Variants in MDGA2 observed in about 807,000 individuals in gnomAD.
MDGA2 encodes MAM domain containing glycosylphosphatidylinositol anchor 2, also known as MAM domain-containing glycosylphosphatidylinositol anchor protein 2.
MDGA2 carries 40 observed loss-of-function variants against 117.8 expected under a neutral mutation model. That is an observed-to-expected ratio of 0.34 (90% CI 0.26 to 0.44). The LOEUF (loss-of-function observed/expected upper bound fraction) is 0.44, where lower values mean the gene tolerates loss of function less well. Ranked by LOEUF, MDGA2 falls within the 20% of genes least tolerant of loss-of-function variation. MDGA2 has a pLI of 1.00. For missense variants in MDGA2, 1,123 were observed against 1,250.6 expected (o/e 0.90, Z 1.54); for synonymous variants, 452 against 439.0 (o/e 1.03, Z -0.37).
intron 1 of MDGA2, among the ~76,000 whole-genome samples, chr14:47,401,934 A>T (rs1230176432): frequency 6.6e-6 from 1 of 152,222 alleles, no homozygotes. Flanking sequence ...ATCAATATTC[A>T]AATGCCTCGT....
intron 1 of MDGA2, among the ~76,000 whole-genome samples, chr14:47,390,282 C>A (rs907280984): frequency 1.3e-5 from 2 of 152,068 alleles, no homozygotes; most frequent in African/African-American, 2.4e-5. Context: ...AGATAATAAG[C>A]CAGCTTTACA....
chr14:46,933,608 G>A (rs1016137002), intron 9 of MDGA2, among the ~76,000 whole-genome samples: 5 of 151,036 alleles, frequency 3.3e-5, no homozygotes, highest in Admixed American at 2.0e-4. Context: ...ATTTCCATAA[G>A]TTAATTTGAT....
At chr14:47,439,773 T>C (rs1284846628) in intron 1 of MDGA2, among the ~76,000 whole-genome samples, 2 of 151,694 alleles carry the variant, frequency 1.3e-5, no homozygotes, top group East Asian at 3.9e-4. Flanking sequence ...TGGTTGTATG[T>C]ACTCGAGTAC....
rs1235199512 is a variant in MDGA2, at chr14:47,674,578, C to G, written c.219G>C (p.Leu73=). 6.4e-7 allele frequency: 1 copy of G among 1,551,524 alleles called. No homozygotes were observed. The highest frequency in any genetic ancestry group is 2.0e-5 in the Admixed American group (1 of 50,960). Residue 73 remains leucine (L), a synonymous_variant, in exon 1 of 17, where the codon CTG becomes CTC. Transcript: ENST00000399232. ...YVHVHVKMDL[L]YGLVWLLTVL... ...CTGTCAGCAGCCACACGAGACCGTA[C>G]AGTAAATCCATCTTCACGTGAACAT...
At position 46,957,501 on chromosome 14, in the gene MDGA2, C is replaced by T. The variant is rs371931166; in HGVS notation, c.1962G>A (p.Thr654=). 2.5e-5 allele frequency: 41 copies of T among 1,614,048 alleles called. No individual in the cohort carries two copies. Among genetic ancestry groups the T allele is most frequent in the South Asian group, 1.6e-4 (15 of 91,082 alleles). The change falls in exon 9 of 17, where the codon ACG becomes ACA. Residue 654 remains threonine (T), a synonymous_variant. Coordinates refer to ENST00000399232, the MANE Select transcript of MDGA2 (RefSeq NM_001113498.3). ...EWRLGNKLLR[T]GQFDSQEYTE... Reference sequence around the variant, plus strand: ...TGTATTCCTGAGAGTCAAATTGACCCGTCCGTAATAATTTATTGCCCAAGC... The same window carrying T: ...TGTATTCCTGAGAGTCAAATTGACCTGTCCGTAATAATTTATTGCCCAAGC...
chr14:47,358,537 GAA>G (rs1340121963), intron 1 of MDGA2, among the ~76,000 whole-genome samples: 3 of 152,246 alleles, frequency 2.0e-5, no homozygotes, highest in Non-Finnish European at 4.4e-5. Context: ...CCTATTTGCA[GAA>G]GACATGATCC....
chr14:46,984,372 ATAT>A (rs1886790476), intron 8 of MDGA2, among the ~76,000 whole-genome samples: 2 of 151,998 alleles, frequency 1.3e-5, no homozygotes, highest in Admixed American at 6.6e-5. Context: ...CTAATTGGAA[ATAT>A]TATGAGTGTT....
chr14:47,262,322 T>C (rs534551932), intron 2 of MDGA2, among the ~76,000 whole-genome samples: 17 of 152,250 alleles, frequency 1.1e-4, no homozygotes, highest in African/African-American at 4.1e-4. Flanking sequence ...CAGACAACCT[T>C]GTTTTGAATT....
At chr14:47,262,743 C>T (rs1318154031) in intron 2 of MDGA2, among the ~76,000 whole-genome samples, 1 of 152,140 alleles carries the variant, frequency 6.6e-6, no homozygotes. Context: ...GCCTGACAGG[C>T]CCTGGTATCT....
At chr14:47,440,420 T>C (rs1205638980) in intron 1 of MDGA2, among the ~76,000 whole-genome samples, 8 of 152,168 alleles carry the variant, frequency 5.3e-5, no homozygotes, top group Non-Finnish European at 1.0e-4. Flanking sequence ...ATGGGAATGC[T>C]TTCTAGTACA....
intron 1 of MDGA2, among the ~76,000 whole-genome samples, chr14:47,577,911 C>T (rs931429414): frequency 2.2e-4 from 33 of 152,262 alleles, no homozygotes; most frequent in Non-Finnish European, 4.9e-4. Context: ...TGAGCAATCC[C>T]ATTACTGGGT....
At chr14:46,911,735 G>A (rs894896532) in intron 10 of MDGA2, among the ~76,000 whole-genome samples, 1 of 152,100 alleles carries the variant, frequency 6.6e-6, no homozygotes, top group African/African-American at 2.4e-5. Context: ...CATATTTCTG[G>A]TAATAAAAAC....
At chr14:47,113,537 A>G (rs1189824531) in intron 5 of MDGA2, among the ~76,000 whole-genome samples, 1 of 152,196 alleles carries the variant, frequency 6.6e-6, no homozygotes, top group East Asian at 1.9e-4. Context: ...AACTGAATCC[A>G]GCAGTACATC....
chr14:47,304,056 C>T (rs928485948), intron 1 of MDGA2, among the ~76,000 whole-genome samples: 1 of 152,118 alleles, frequency 6.6e-6, no homozygotes, highest in African/African-American at 2.4e-5. Context: ...ACCACCTATC[C>T]TGTAGGAGGG....
At chr14:46,892,549 A>G (rs1325499820) in intron 10 of MDGA2, among the ~76,000 whole-genome samples, 2 of 151,998 alleles carry the variant, frequency 1.3e-5, no homozygotes, top group African/African-American at 4.8e-5. Context: ...AAAGGGAGCA[A>G]TTAACAAAAT....
chr14:47,637,175 T>C (rs1317534868), intron 1 of MDGA2, among the ~76,000 whole-genome samples: 2 of 152,132 alleles, frequency 1.3e-5, no homozygotes, highest in African/African-American at 4.8e-5. Context: ...AACATACTTA[T>C]GGATATGGGT....
intron 1 of MDGA2, among the ~76,000 whole-genome samples, chr14:47,476,449 T>C (rs1468591662): frequency 6.6e-6 from 1 of 152,034 alleles, no homozygotes; most frequent in Admixed American, 6.6e-5. Flanking sequence ...GTTAAGGAAA[T>C]GAATATATTT....
At chr14:46,944,405 T>A (rs1288515304) in intron 9 of MDGA2, among the ~76,000 whole-genome samples, 4 of 151,922 alleles carry the variant, frequency 2.6e-5, no homozygotes, top group African/African-American at 9.7e-5. Flanking sequence ...TTATCATTAG[T>A]TTTCCACAAT....
intron 10 of MDGA2, among the ~76,000 whole-genome samples, chr14:46,911,126 C>T (rs1042208330): frequency 6.6e-6 from 1 of 152,144 alleles, no homozygotes; most frequent in East Asian, 1.9e-4. Flanking sequence ...CAAACTTGTG[C>T]ATGGACACCT....
Sources: gnomAD v4.1 joint callset for allele counts (sites outside exome capture counted in the v4.1 genomes callset) on GRCh38, gnomAD v4.1.1 for gene constraint, MANE v1.5 for transcripts, NCBI Gene and HGNC (gene_info 2026-07-23, HGNC 2026-07-21) for gene names.